ARHGAP8: variants seen among roughly 807,000 people sequenced by gnomAD.
ARHGAP8 encodes the protein rho GTPase-activating protein 8.
In ARHGAP8, 62 loss-of-function variants were observed where a neutral mutation model predicts 46.1. The ratio of observed to expected loss-of-function variants is 1.34; its 90% CI spans 1.10 to 1.66. The LOEUF (loss-of-function observed/expected upper bound fraction) is 1.66, where lower values mean the gene tolerates loss of function less well. ARHGAP8 is among the 40% of genes most tolerant of loss of function. ARHGAP8 has a pLI of 0.00. For synonymous variants in ARHGAP8, 375 were observed against 243.1 expected (o/e 1.54, Z -5.05); for missense variants, 923 against 568.4 (o/e 1.62, Z -6.34).
intron 10 of ARHGAP8, among the ~76,000 whole-genome samples, chr22:44,858,669 CTGGTTGGT>C (rs2070317944): frequency 2.0e-5 from 3 of 149,650 alleles, no homozygotes; most frequent in Non-Finnish European, 4.4e-5. Context: ...CTGTGCCTGG[CTGGTTGGT>C]GGGTTTTGAC....
intron 1 of ARHGAP8, among the ~76,000 whole-genome samples, chr22:44,772,586 A>G (rs1926117424): frequency 6.6e-6 from 1 of 151,690 alleles, no homozygotes; most frequent in African/African-American, 2.4e-5. Flanking sequence ...TGATTTGTTA[A>G]TATTTTGTTA....
At chr22:44,796,190 TC>T (rs1163919856) in intron 2 of ARHGAP8, among the ~76,000 whole-genome samples, 1 of 152,136 alleles carries the variant, frequency 6.6e-6, no homozygotes, top group African/African-American at 2.4e-5. Flanking sequence ...CAGACGCTGT[TC>T]TGCTCCCGGG....
At chr22:44,846,471 G>A (rs1200801201) in intron 8 of ARHGAP8, among the ~76,000 whole-genome samples, 1 of 152,172 alleles carries the variant, frequency 6.6e-6, no homozygotes, top group Non-Finnish European at 1.5e-5. Context: ...GGGGGCCTGG[G>A]AGACCATCTC....
At chr22:44,861,588 A>T in intron 11 of ARHGAP8, among the ~76,000 whole-genome samples, 1 of 152,146 alleles carries the variant, frequency 6.6e-6, no homozygotes, top group Admixed American at 6.5e-5. Flanking sequence ...TCACCGCCTC[A>T]TGACCCCTGT....
chr22:44,776,887 C>A (rs1926467078), intron 1 of ARHGAP8, among the ~76,000 whole-genome samples: 1 of 152,104 alleles, frequency 6.6e-6, no homozygotes, highest in Non-Finnish European at 1.5e-5. Context: ...TCCCCCCTGC[C>A]TCAAGGCCCA....
At chr22:44,862,248 C>G in intron 11 of ARHGAP8, 27 bp from the exon 12 acceptor site, 2 of 1,568,308 alleles carry the variant, frequency 1.3e-6, no homozygotes, top group Non-Finnish European at 1.7e-6. Flanking sequence ...TGTTCACTCC[C>G]CTTTACTTGT....
intron 6 of ARHGAP8, among the ~76,000 whole-genome samples, chr22:44,823,280 C>T (rs772666942): frequency 2.6e-5 from 4 of 152,068 alleles, no homozygotes; most frequent in Non-Finnish European, 5.9e-5. Context: ...GGCACAGAAC[C>T]CAGCTGGGGA....
chr22:44,769,032 A>T (rs914166074), intron 1 of ARHGAP8, among the ~76,000 whole-genome samples: 1 of 151,710 alleles, frequency 6.6e-6, no homozygotes, highest in Admixed American at 6.6e-5. Flanking sequence ...ATGGGGTTTC[A>T]CCATGTTGGC....
chr22:44,796,410 T>C (rs1333613994), intron 2 of ARHGAP8, among the ~76,000 whole-genome samples: 1 of 152,016 alleles, frequency 6.6e-6, no homozygotes, highest in African/African-American at 2.4e-5. Context: ...TCGTCCCCAG[T>C]TCCCTCGAGG....
chr22:44,862,784 A>T lies in ARHGAP8; in HGVS notation c.*189A>T. Reference sequence around the variant, plus strand: ...CTGAGCTGTGGACCGGGATAGAATAATGCATTTGTTAGGATGGATGTTTTG... The same window carrying T: ...CTGAGCTGTGGACCGGGATAGAATATTGCATTTGTTAGGATGGATGTTTTG... On this transcript the variant is annotated 3_prime_UTR_variant, in exon 12 of 12. Transcript: ENST00000356099. 1 of 664,240 alleles carries T rather than the reference A, an allele frequency of 1.5e-6. No homozygotes were observed. Among genetic ancestry groups the T allele is most frequent in the Non-Finnish European group, 2.3e-6 (1 of 431,048 alleles). The allele number at this position is 664,240 out of a possible 1,614,324, so 41.1% of individuals were successfully genotyped here.
At chr22:44,844,128 C>A (rs548234727) in intron 7 of ARHGAP8, among the ~76,000 whole-genome samples, 4 of 152,178 alleles carry the variant, frequency 2.6e-5, no homozygotes. Context: ...TGCATCACCA[C>A]GCCTGGCTAA....
rs148390043 is a variant in ARHGAP8 at position 44,794,571 on chromosome 22, A to G, written c.80-7506A>G. Among the ~76,000 whole-genome samples the G allele has an allele frequency of 7.7e-3, 1,173 of 152,172 alleles. 16 individuals carry two copies. The highest frequency in any genetic ancestry group is 0.027 in the African/African-American group (1,114 of 41,516). Reference sequence around the variant, plus strand: ...TAAAAATACAAAAAATTAGCCAGGCATGGTGGTGCGCACCTGTAGTCCCAG... The same window carrying G: ...TAAAAATACAAAAAATTAGCCAGGCGTGGTGGTGCGCACCTGTAGTCCCAG... On this transcript the variant is annotated intron_variant, in intron 2 of 11. Coordinates refer to ENST00000356099, the MANE Select transcript of ARHGAP8 (RefSeq NM_181335.3).
At chr22:44,813,283 CACATACACACCTGGATACAGT>C (rs1929470189) in intron 4 of ARHGAP8, among the ~76,000 whole-genome samples, 1 of 151,794 alleles carries the variant, frequency 6.6e-6, no homozygotes, top group East Asian at 1.9e-4. Context: ...CCTACATACA[CACATACACACCTGGATACAGT>C]ACATACACCT....
rs1473982430 is a variant in ARHGAP8, at chr22:44,856,572, C to G, written c.878-3159C>G. Among the ~76,000 whole-genome samples, 2 of 110,378 alleles carry G rather than the reference C, an allele frequency of 1.8e-5. 1 individual carries two copies. The highest frequency in any genetic ancestry group is 9.3e-5 in the African/African-American group (2 of 21,618). 72.4% of individuals were successfully genotyped at this position (110,378 alleles called of 152,430 possible). ...TAAAGGCGTGAGCCACCGCGCCCGG[C>G]CTGTAAATTCTTGGGGCTACATCCT... On this transcript the variant is annotated intron_variant, in intron 10 of 11. Transcript: ENST00000356099.
rs143474269 is a variant in ARHGAP8, at chr22:44,813,255, TACAC to T, written c.300-1404_300-1401del. 6.3e-4 allele frequency among the ~76,000 whole-genome samples: 94 copies of T among 150,350 alleles called. 2 individuals carry two copies. The highest frequency in any genetic ancestry group is 1.6e-3 in the African/African-American group (66 of 40,870). On this transcript the variant is annotated intron_variant, in intron 4 of 11. Coordinates refer to ENST00000356099, the MANE Select transcript of ARHGAP8 (RefSeq NM_181335.3). ...GTGTGAATGTACATATACATACACT[TACAC>T]ACACACACACACCCCTACATACACA...
chr22:44,791,250 C>T (rs931408844), intron 2 of ARHGAP8, among the ~76,000 whole-genome samples: 4 of 152,136 alleles, frequency 2.6e-5, no homozygotes, highest in Non-Finnish European at 5.9e-5. Context: ...GTGCGCTGTG[C>T]TGGGGTGTGT....
rs1927590507 is a variant in ARHGAP8, at chr22:44,790,582, A to G, written c.79+3976A>G. On this transcript the variant is annotated intron_variant, in intron 2 of 11. Coordinates refer to ENST00000356099, the MANE Select transcript of ARHGAP8 (RefSeq NM_181335.3). ...TCCCAGCTACTTGGGAGGCTGAAAC[A>G]GGAGAATCGCTTGAACCCGGGAGAC... is the stretch of plus-strand genomic sequence containing the variant. Among the ~76,000 whole-genome samples the G allele has an allele frequency of 4.0e-5, 6 of 148,190 alleles. No individual in the cohort carries two copies. In the South Asian group the frequency reaches 1.3e-3, roughly 33 times the overall value.
intron 1 of ARHGAP8, among the ~76,000 whole-genome samples, chr22:44,772,352 C>CTT (rs58041776): frequency 0.39 from 35,978 of 92,166 alleles, 7,807 homozygotes; most frequent in East Asian, 0.53. Flanking sequence ...TTTCTTTTTT[C>CTT]TTTTTTTTTT....
intron 3 of ARHGAP8, among the ~76,000 whole-genome samples, chr22:44,807,392 T>C (rs1033474277): frequency 6.6e-6 from 1 of 151,930 alleles, no homozygotes; most frequent in Non-Finnish European, 1.5e-5. Context: ...GGGTAGAGCC[T>C]ACACCATAGG....
Sources: allele counts gnomAD v4.1 joint callset (sites outside exome capture counted in the v4.1 genomes callset), GRCh38; gene constraint gnomAD v4.1.1; transcripts MANE v1.5; gene names NCBI Gene and HGNC (gene_info 2026-07-23, HGNC 2026-07-21).